GALNT10: variants seen among roughly 807,000 people sequenced by gnomAD.
The protein encoded by GALNT10 is GalNAc transferase 10.
In GALNT10, 41 loss-of-function variants were observed where a neutral mutation model predicts 75.0. The observed-to-expected ratio is 0.55, with a 90% CI of 0.43 to 0.71. The LOEUF is 0.71. GALNT10 is among the 30% of genes least tolerant of loss of function. The probability of loss-of-function intolerance (pLI) is 0.00; values close to 1 mark genes in which losing one functional copy is unlikely to be tolerated. For synonymous variants in GALNT10, 302 were observed against 313.0 expected (o/e 0.96, Z 0.37); for missense variants, 727 against 818.5 (o/e 0.89, Z 1.36).
chr5:154,385,736 T>A (rs1381869550), intron 6 of GALNT10, among the ~76,000 whole-genome samples: 1 of 152,162 alleles, frequency 6.6e-6, no homozygotes, highest in East Asian at 1.9e-4. Flanking sequence ...TCTCCCAGTT[T>A]AACTGAAAAG....
At chr5:154,373,835 G>T (rs573699548) in intron 4 of GALNT10, among the ~76,000 whole-genome samples, 1 of 152,210 alleles carries the variant, frequency 6.6e-6, no homozygotes, top group East Asian at 1.9e-4. Context: ...GCCTTAATTG[G>T]TCACTCTGTA....
chr5:154,224,273 G>A (rs1753027783), intron 1 of GALNT10, among the ~76,000 whole-genome samples: 1 of 152,198 alleles, frequency 6.6e-6, no homozygotes. Context: ...CCCCCAGCTA[G>A]GTCATTAGCC....
chr5:154,238,606 G>C (rs192135752), intron 1 of GALNT10, among the ~76,000 whole-genome samples: 1 of 152,068 alleles, frequency 6.6e-6, no homozygotes, highest in Non-Finnish European at 1.5e-5. Flanking sequence ...AAGTGTCTGC[G>C]GTGCTTCGAA....
intron 1 of GALNT10, among the ~76,000 whole-genome samples, chr5:154,290,536 A>G (rs1232222529): frequency 6.6e-6 from 1 of 152,154 alleles, no homozygotes; most frequent in African/African-American, 2.4e-5. Flanking sequence ...TGAGATGTCA[A>G]TTTACAGTAG....
chr5:154,263,671 G>T (rs944298763), intron 1 of GALNT10, among the ~76,000 whole-genome samples: 1 of 152,116 alleles, frequency 6.6e-6, no homozygotes, highest in Admixed American at 6.6e-5. Context: ...TTTCTAGTTC[G>T]TAGACGGTGC....
chr5:154,231,908 T>C (rs990800825), intron 1 of GALNT10, among the ~76,000 whole-genome samples: 2 of 152,176 alleles, frequency 1.3e-5, no homozygotes, highest in African/African-American at 4.8e-5. Context: ...CTGCACAGGA[T>C]CCTGCATACA....
rs561881976 is a variant in GALNT10, at chr5:154,294,241, G to A, written c.160-575G>A. On this transcript the variant is annotated intron_variant, in intron 1 of 11. Transcript: ENST00000297107. ...TCCCAGCTACTCAGAGGTTGAGGAT[G>A]GAGAATCATTTGAGCCCTGGAGTTC... 7.9e-5 allele frequency among the ~76,000 whole-genome samples: 12 copies of A among 152,268 alleles called. No individual in the cohort carries two copies. In the South Asian group the frequency reaches 2.5e-3, roughly 32 times the overall value.
chr5:154,417,735 C>T lies in GALNT10; in HGVS notation c.*763C>T, dbSNP rs3822711. On this transcript the variant is annotated 3_prime_UTR_variant, in exon 12 of 12. Transcript: ENST00000297107. ...GCACTCTCCAGGCACAAGGACAGCC[C>T]AGCACCAGCTTTACAGGGCAGTGTT... The T allele has an allele frequency of 0.081, 12,328 of 152,370 alleles. 739 individuals carry two copies. The highest frequency in any genetic ancestry group is 0.26 in the East Asian group (1,341 of 5,172). The allele number at this position is 152,370 out of a possible 1,614,324, so 9.4% of individuals were successfully genotyped here.
chr5:154,360,247 C>T (rs1040083984), intron 4 of GALNT10, among the ~76,000 whole-genome samples: 3 of 151,836 alleles, frequency 2.0e-5, no homozygotes, highest in Non-Finnish European at 4.4e-5. Context: ...GTCAGGAGTT[C>T]GAAACCAGCC....
chr5:154,362,140 C>T (rs1755400003), intron 4 of GALNT10, among the ~76,000 whole-genome samples: 1 of 152,162 alleles, frequency 6.6e-6, no homozygotes, highest in Non-Finnish European at 1.5e-5. Context: ...AACTGGGCAC[C>T]CCAGCAGGAG....
intron 5 of GALNT10, 27 bp from the exon 6 acceptor site, chr5:154,380,421 C>G (rs1755715093): frequency 6.3e-7 from 1 of 1,592,530 alleles, no homozygotes; most frequent in Middle Eastern, 1.7e-4. Flanking sequence ...CCTGCTTCAT[C>G]TGATAGGCAT....
At chr5:154,347,080 C>G (rs777391127) in intron 4 of GALNT10, 10 of 473,078 alleles carry the variant, frequency 2.1e-5, no homozygotes, top group Non-Finnish European at 4.3e-5. Flanking sequence ...TATATGAGAA[C>G]AGTAATAAAT....
At chr5:154,282,361 A>G (rs1374889911) in intron 1 of GALNT10, among the ~76,000 whole-genome samples, 1 of 152,202 alleles carries the variant, frequency 6.6e-6, no homozygotes, top group African/African-American at 2.4e-5. Flanking sequence ...ATAGCAGGCT[A>G]CCATGCAGCT....
Position 154,419,871 on chromosome 5 carries a change from G to A in GALNT10, c.*2899G>A, listed in dbSNP as rs1756593568. ...TGACAGCCAGGTAATGGGTGAGACT[G>A]TGGGGTCCCTTTTCCTCTAAAGCCT... On this transcript the variant is annotated 3_prime_UTR_variant, in exon 12 of 12. Coordinates refer to ENST00000297107, the MANE Select transcript of GALNT10 (RefSeq NM_198321.4). 1.3e-5 allele frequency: 2 copies of A among 152,378 alleles called. No individual in the cohort carries two copies. The highest frequency in any genetic ancestry group is 4.8e-5 in the African/African-American group (2 of 41,582). 9.4% of individuals were successfully genotyped at this position (152,378 alleles called of 1,614,324 possible).
In GALNT10 at chr5:154,194,111, G is replaced by A. The variant is rs372322177; in HGVS notation, c.159+3086G>A. On this transcript the variant is annotated intron_variant, in intron 1 of 11. Transcript: ENST00000297107. Reference sequence around the variant, plus strand: ...ATTAAAAGCTCAAGTTAGAAACTCAGTGCAGTCTCTCCTCATTTCTGAGCC... The same window carrying A: ...ATTAAAAGCTCAAGTTAGAAACTCAATGCAGTCTCTCCTCATTTCTGAGCC... Among the ~76,000 whole-genome samples, 33 of 152,314 alleles carry A rather than the reference G, an allele frequency of 2.2e-4. No homozygotes were observed. The East Asian group carries it at 5.8e-3, about 27-fold the overall frequency.
chr5:154,220,998 T>A (rs929562811), intron 1 of GALNT10, among the ~76,000 whole-genome samples: 1 of 152,226 alleles, frequency 6.6e-6, no homozygotes, highest in Non-Finnish European at 1.5e-5. Flanking sequence ...CATCTGTGCC[T>A]GCAGGGTCTT....
intron 1 of GALNT10, among the ~76,000 whole-genome samples, chr5:154,258,643 A>T (rs1753651729): frequency 6.6e-6 from 1 of 152,168 alleles, no homozygotes; most frequent in Non-Finnish European, 1.5e-5. Context: ...ATGCTTCTTG[A>T]CACTAGTGCA....
intron 1 of GALNT10, among the ~76,000 whole-genome samples, chr5:154,243,125 G>A (rs1184725842): frequency 1.3e-5 from 2 of 151,930 alleles, no homozygotes; most frequent in Admixed American, 6.6e-5. Flanking sequence ...GATAGCATCA[G>A]CCCTCACTTT....
chr5:154,273,507 T>C (rs1324540483), intron 1 of GALNT10, among the ~76,000 whole-genome samples: 14 of 152,156 alleles, frequency 9.2e-5, no homozygotes, highest in Admixed American at 9.2e-4. Flanking sequence ...GAGAGAGGGT[T>C]GCCAGGAGCA....
Sources: gnomAD v4.1 joint callset for allele counts (sites outside exome capture counted in the v4.1 genomes callset) on GRCh38, gnomAD v4.1.1 for gene constraint, MANE v1.5 for transcripts, NCBI Gene and HGNC (gene_info 2026-07-23, HGNC 2026-07-21) for gene names.